CHL1: variants seen among roughly 807,000 people sequenced by gnomAD.
The protein encoded by CHL1 is cell adhesion molecule L1 like, also known as neural cell adhesion molecule L1-like protein.
Under a neutral mutation model 141.9 loss-of-function variants are expected in CHL1, and 96 were observed. The observed-to-expected ratio is 0.68, with a 90% confidence interval of 0.57 to 0.80. The LOEUF (loss-of-function observed/expected upper bound fraction) is 0.80, where lower values mean the gene tolerates loss of function less well. Ranked by LOEUF, CHL1 falls within the 30% of genes least tolerant of loss-of-function variation. CHL1 has a pLI of 0.00. For synonymous variants in CHL1, 613 were observed against 502.2 expected, an observed-to-expected ratio of 1.22 and a Z score of -2.95; for missense variants, 1,820 against 1,457.2, an observed-to-expected ratio of 1.25 and a Z score of -4.05.
chr3:337,899 G>T (rs544796047), intron 5 of CHL1, among the ~76,000 whole-genome samples: 156 of 152,270 alleles, frequency 1.0e-3, no homozygotes, highest in African/African-American at 3.3e-3. Context: ...GTAATGGGAT[G>T]GCTGGGTCAA....
intron 19 of CHL1, among the ~76,000 whole-genome samples, chr3:388,735 C>G (rs1328142127): frequency 1.3e-5 from 2 of 151,990 alleles, no homozygotes; most frequent in Non-Finnish European, 2.9e-5. Flanking sequence ...TTCATATTCT[C>G]CAAAAATATT....
chr3:347,940 A>G (rs559357019), intron 9 of CHL1, among the ~76,000 whole-genome samples: 2 of 152,212 alleles, frequency 1.3e-5, no homozygotes, highest in Admixed American at 1.3e-4. Flanking sequence ...ATATATAGAG[A>G]TTAAAGAGCC....
intron 1 of CHL1, among the ~76,000 whole-genome samples, chr3:238,650 T>A (rs1414931471): frequency 1.3e-5 from 2 of 151,808 alleles, no homozygotes; most frequent in Admixed American, 6.6e-5. Context: ...TCTGGCCAGG[T>A]ACAGTGGCTC....
At chr3:397,335 A>G (rs918138105) in intron 24 of CHL1, among the ~76,000 whole-genome samples, 3 of 152,108 alleles carry the variant, frequency 2.0e-5, no homozygotes, top group Admixed American at 2.0e-4. Flanking sequence ...TTATTTAGTA[A>G]CTATATAATT....
At chr3:308,647 T>A (rs1326187375) in intron 2 of CHL1, 1 of 150,210 alleles carries the variant, frequency 6.7e-6, no homozygotes, top group Non-Finnish European at 1.5e-5. Context: ...ATATCTATAT[T>A]ATATAATATA....
intron 1 of CHL1, among the ~76,000 whole-genome samples, chr3:241,245 A>T (rs1378988219): frequency 1.3e-5 from 2 of 152,224 alleles, no homozygotes; most frequent in African/African-American, 4.8e-5. Context: ...GAAAGGAGTC[A>T]TGTCATAAAA....
At chr3:239,904 G>A (rs1692388752) in intron 1 of CHL1, among the ~76,000 whole-genome samples, 1 of 152,182 alleles carries the variant, frequency 6.6e-6, no homozygotes, top group Non-Finnish European at 1.5e-5. Context: ...CTCCATCCAG[G>A]GTGCTGTGAA....
Position 209,311 on chromosome 3 carries a change from T to G in CHL1, c.-175+12248T>G, listed in dbSNP as rs1174060152. 2.0e-5 allele frequency among the ~76,000 whole-genome samples: 3 copies of G among 152,202 alleles called. No individual in the cohort carries two copies. The South Asian group carries it at 6.2e-4, about 32-fold the overall frequency. On this transcript the variant is annotated intron_variant, in intron 1 of 27. Transcript: ENST00000256509. Reference sequence around the variant, plus strand: ...TGAGGGAAATTTTGCAAATTCATTCTAAGACAAAATAAGTTACATTTAATA... The same window carrying G: ...TGAGGGAAATTTTGCAAATTCATTCGAAGACAAAATAAGTTACATTTAATA...
intron 27 of CHL1, among the ~76,000 whole-genome samples, chr3:402,890 C>T (rs1709255429): frequency 6.6e-6 from 1 of 152,178 alleles, no homozygotes; most frequent in Non-Finnish European, 1.5e-5. Context: ...GCAGTTGCCT[C>T]ATAACAATAA....
rs558563499 is a variant in CHL1, at chr3:362,095, T to C, written c.1418+285T>C. On this transcript the variant is annotated intron_variant, in intron 13 of 27. Transcript: ENST00000256509. ...ACAGAGACAATTTTAAAGGTAGTTT[T>C]GGTTTTTCATTATGAGGTACCACAA... 3.9e-5 allele frequency among the ~76,000 whole-genome samples: 6 copies of C among 152,312 alleles called. No homozygotes were observed. The South Asian group carries it at 8.3e-4, about 21-fold the overall frequency.
chr3:328,104 A>T, intron 4 of CHL1, 63 bp from the exon 5 acceptor site: 2 of 1,274,418 alleles, frequency 1.6e-6, no homozygotes, highest in Non-Finnish European at 2.2e-6. Flanking sequence ...TGCAATTGTT[A>T]ATAAGTACTC....
chr3:280,417 A>C (rs1696537334), intron 2 of CHL1, among the ~76,000 whole-genome samples: 1 of 152,190 alleles, frequency 6.6e-6, no homozygotes, highest in South Asian at 2.1e-4. Context: ...AATAACAGCA[A>C]ACTGAAGAGC....
rs184423850 is a variant in CHL1 at position 337,968 on chromosome 3, C to T, written c.386-2826C>T. On this transcript the variant is annotated intron_variant, in intron 5 of 27. Transcript: ENST00000256509. ...ACACTGTCTTCCACAATGGTTGAAC[C>T]AGTTTACAGTCCCACCAACAGTTTG... Among the ~76,000 whole-genome samples the T allele has an allele frequency of 2.1e-3, 324 of 152,212 alleles. 1 individual carries two copies. Among genetic ancestry groups the T allele is most frequent in the Non-Finnish European group, 3.2e-3 (219 of 68,024 alleles).
rs555766136 is a variant in CHL1, at chr3:254,949, A to G, written c.-95+10257A>G. Among the ~76,000 whole-genome samples, 25 of 152,276 alleles carry G rather than the reference A, an allele frequency of 1.6e-4. No homozygotes were observed. In the South Asian group the frequency reaches 5.2e-3, roughly 32 times the overall value. ...AGGGATGCATTCAAACCCTACCATC[A>G]TGCAAAGAAGCCAAAGTTATATTTC... On this transcript the variant is annotated intron_variant, in intron 2 of 27. Transcript: ENST00000256509.
intron 5 of CHL1, among the ~76,000 whole-genome samples, chr3:335,772 G>C (rs1320606517): frequency 6.6e-6 from 1 of 152,164 alleles, no homozygotes; most frequent in African/African-American, 2.4e-5. Context: ...CTCTGAAAAT[G>C]TTAATTCAAA....
chr3:380,859 T>A, intron 16 of CHL1, among the ~76,000 whole-genome samples: 1 of 152,316 alleles, frequency 6.6e-6, no homozygotes, highest in Admixed American at 6.5e-5. Context: ...TTTCACTGAT[T>A]TATTTAGTTA....
chr3:347,992 T>C (rs145565289), intron 9 of CHL1, among the ~76,000 whole-genome samples: 3 of 152,318 alleles, frequency 2.0e-5, no homozygotes, highest in African/African-American at 7.2e-5. Flanking sequence ...ATAACTGAAT[T>C]ATTTTAACCA....
chr3:274,023 C>T (rs1171833983), intron 2 of CHL1, among the ~76,000 whole-genome samples: 1 of 152,214 alleles, frequency 6.6e-6, no homozygotes, highest in Non-Finnish European at 1.5e-5. Flanking sequence ...AGGGAGGCTC[C>T]TCTCTGACCA....
At chr3:210,326 G>A (rs1699801979) in intron 1 of CHL1, among the ~76,000 whole-genome samples, 1 of 152,246 alleles carries the variant, frequency 6.6e-6, no homozygotes, top group African/African-American at 2.4e-5. Context: ...TGTAGGTGAG[G>A]AATTTAGGCA....
Sources: gnomAD v4.1 joint callset for allele counts (sites outside exome capture counted in the v4.1 genomes callset) on GRCh38, gnomAD v4.1.1 for gene constraint, MANE v1.5 for transcripts, NCBI Gene and HGNC (gene_info 2026-07-23, HGNC 2026-07-21) for gene names.